Variants in STAC observed in about 807,000 individuals in gnomAD.
STAC encodes the protein SH3 and cysteine-rich domain-containing protein.
STAC carries 43 observed loss-of-function variants against 48.8 expected under a neutral mutation model. The observed-to-expected ratio is 0.88, with a 90% confidence interval of 0.69 to 1.14. The LOEUF (loss-of-function observed/expected upper bound fraction) is 1.14, where lower values mean the gene tolerates loss of function less well. Among genes scored for constraint, STAC ranks in the 50% most tolerant of loss-of-function variants. The pLI is 0.00. For missense variants in STAC, 497 were observed against 504.0 expected (o/e 0.99, Z 0.13); for synonymous variants, 193 against 179.5 (o/e 1.07, Z -0.60).
At chr3:36,491,726 C>T (rs1697971751) in intron 5 of STAC, among the ~76,000 whole-genome samples, 1 of 151,738 alleles carries the variant, frequency 6.6e-6, no homozygotes, top group Non-Finnish European at 1.5e-5. Context: ...TAAAATATGA[C>T]TGTCAGGCCA....
chr3:36,484,059 A>G (rs1278036422), intron 3 of STAC, among the ~76,000 whole-genome samples: 1 of 152,184 alleles, frequency 6.6e-6, no homozygotes, highest in Non-Finnish European at 1.5e-5. Flanking sequence ...GAATAATTAG[A>G]CAGGACATCA....
chr3:36,440,982 G>C (rs1696330990), intron 1 of STAC, among the ~76,000 whole-genome samples: 1 of 152,030 alleles, frequency 6.6e-6, no homozygotes, highest in Admixed American at 6.6e-5. Flanking sequence ...TAAAATAATT[G>C]TACCTATTTA....
intron 1 of STAC, among the ~76,000 whole-genome samples, chr3:36,407,180 T>C (rs1294557295): frequency 6.6e-6 from 1 of 152,232 alleles, no homozygotes; most frequent in Non-Finnish European, 1.5e-5. Context: ...ACTTTAAGGC[T>C]GAAAAAGGCT....
intron 1 of STAC, among the ~76,000 whole-genome samples, chr3:36,381,937 A>G (rs1699518213): frequency 6.6e-6 from 1 of 152,162 alleles, no homozygotes; most frequent in Non-Finnish European, 1.5e-5. Flanking sequence ...ACTTTTCTAA[A>G]ACTCGGTTGG....
At chr3:36,496,328 T>C (rs147426337) in intron 6 of STAC, among the ~76,000 whole-genome samples, 13 of 152,318 alleles carry the variant, frequency 8.5e-5, no homozygotes, top group African/African-American at 3.1e-4. Context: ...AGAAACCACA[T>C]GGAGAAAACA....
Position 36,417,462 on chromosome 3 carries a change from C to T in STAC, c.112-25902C>T, listed in dbSNP as rs150632870. ...AAACACTCACACAAACACACACACACGTATATAAATTTTTCTATTGTTTGC... is the reference window on the plus strand; with the variant it reads ...AAACACTCACACAAACACACACACATGTATATAAATTTTTCTATTGTTTGC... On this transcript the variant is annotated intron_variant, in intron 1 of 10. Transcript: ENST00000273183. Among the ~76,000 whole-genome samples, 97 of 152,100 alleles carry T rather than the reference C, an allele frequency of 6.4e-4. 1 individual carries two copies. Among genetic ancestry groups the T allele is most frequent in the Middle Eastern group, 3.4e-3 (1 of 292 alleles).
intron 1 of STAC, among the ~76,000 whole-genome samples, chr3:36,414,141 C>A (rs1700260960): frequency 1.3e-5 from 2 of 152,150 alleles, no homozygotes; most frequent in Non-Finnish European, 2.9e-5. Context: ...GTAAATCTGA[C>A]AATTATGTGT....
intron 2 of STAC, among the ~76,000 whole-genome samples, chr3:36,475,357 G>A (rs2125694553): frequency 6.6e-6 from 1 of 152,096 alleles, no homozygotes; most frequent in South Asian, 2.1e-4. Flanking sequence ...TGGCACTAAG[G>A]ATGTATAATT....
chr3:36,412,391 G>A lies in STAC; in HGVS notation c.112-30973G>A, dbSNP rs1287126961. Reference sequence around the variant, plus strand: ...AACTGTCACATGGCCATTTCTAGCTGTAAGGAAAGCTGGATACATTGCTGT... The same window carrying A: ...AACTGTCACATGGCCATTTCTAGCTATAAGGAAAGCTGGATACATTGCTGT... On this transcript the variant is annotated intron_variant, in intron 1 of 10. Coordinates refer to ENST00000273183, the MANE Select transcript of STAC (RefSeq NM_003149.3). Among the ~76,000 whole-genome samples, 3 of 152,052 alleles carry A rather than the reference G, an allele frequency of 2.0e-5. No individual in the cohort carries two copies. The East Asian group carries it at 5.8e-4, about 29-fold the overall frequency.
chr3:36,525,852 G>C (rs77804270), intron 8 of STAC, among the ~76,000 whole-genome samples: 2,095 of 152,318 alleles, frequency 0.014, 59 homozygotes, highest in African/African-American at 0.048. Context: ...TGACAAGCCT[G>C]TTATATTTGG....
intron 8 of STAC, among the ~76,000 whole-genome samples, chr3:36,528,251 G>A (rs368182930): frequency 5.3e-5 from 8 of 152,140 alleles, no homozygotes; most frequent in South Asian, 4.2e-4. Flanking sequence ...CGGGCAGATC[G>A]TGAGGTCAGG....
intron 2 of STAC, among the ~76,000 whole-genome samples, chr3:36,449,109 A>T (rs1412353299): frequency 6.6e-6 from 1 of 152,066 alleles, no homozygotes; most frequent in Non-Finnish European, 1.5e-5. Flanking sequence ...ACGGAGTGAG[A>T]CTTCATCTCT....
chr3:36,417,924 A>C (rs964666327), intron 1 of STAC, among the ~76,000 whole-genome samples: 141 of 152,308 alleles, frequency 9.3e-4, no homozygotes, highest in African/African-American at 3.3e-3. Flanking sequence ...TAATTTTAGC[A>C]ATTTACATTT....
At chr3:36,543,387 A>T (rs1456618151) in intron 10 of STAC, among the ~76,000 whole-genome samples, 1 of 152,160 alleles carries the variant, frequency 6.6e-6, no homozygotes. Context: ...AGCCATTTGT[A>T]CTCATCATCT....
At position 36,437,575 on chromosome 3, in the gene STAC, A is replaced by G. The variant is rs1285566635; in HGVS notation, c.112-5789A>G. On this transcript the variant is annotated intron_variant, in intron 1 of 10. Coordinates refer to ENST00000273183, the MANE Select transcript of STAC (RefSeq NM_003149.3). ...TCTCACTCATAGGTGGGAATTGAAC[A>G]ATGAGAACACATGGACACAGGAAGG... 2.1e-5 allele frequency among the ~76,000 whole-genome samples: 3 copies of G among 143,918 alleles called. No individual in the cohort carries two copies. In the Admixed American group the frequency reaches 2.2e-4, roughly 10 times the overall value. The allele number at this position is 143,918 out of a possible 152,430, so 94.4% of individuals were successfully genotyped here.
chr3:36,467,417 T>C (rs1322628949), intron 2 of STAC, among the ~76,000 whole-genome samples: 1 of 152,200 alleles, frequency 6.6e-6, no homozygotes, highest in African/African-American at 2.4e-5. Context: ...TCAATAGGAT[T>C]GGTACCAATT....
Position 36,528,875 on chromosome 3 carries a change from T to A in STAC, c.1000T>A (p.Phe334Ile). 1 of 1,613,652 alleles carries A rather than the reference T, an allele frequency of 6.2e-7. No homozygotes were observed. Among genetic ancestry groups the A allele is most frequent in the Non-Finnish European group, 8.5e-7 (1 of 1,179,776 alleles). ...KGKIQDRIGF[F>I]PANFVQRLQQ... ...GAAAATTCAAGACAGAATTGGCTTC[T>A]TTCCAGCCAACTTTGTTCAGAGACT... is the stretch of plus-strand genomic sequence containing the variant. The change falls in exon 10 of 11, where the codon TTT becomes ATT. Residue 334 changes from phenylalanine (F) to isoleucine (I), a missense_variant. Physicochemically the swap from Phe to Ile is conservative, Grantham distance 21. Transcript: ENST00000273183.
Position 36,486,159 on chromosome 3 carries a change from C to T in STAC, c.597C>T (p.Val199=). The T allele has an allele frequency of 1.2e-6, 2 of 1,613,992 alleles. No individual in the cohort carries two copies. The highest frequency in any genetic ancestry group is 4.5e-5 in the East Asian group (2 of 44,870). The part of the protein sequence containing the change: ...PIACGNKVDP[V]YETLRFGTSL... ...CCTGTGGCAATAAGGTGGACCCTGTCTACGAGACCCTCCGCTTCGGCACCT... is the reference window on the plus strand; with the variant it reads ...CCTGTGGCAATAAGGTGGACCCTGTTTACGAGACCCTCCGCTTCGGCACCT... The change falls in exon 5 of 11, where the codon GTC becomes GTT. Residue 199 remains valine, a synonymous_variant. Coordinates refer to ENST00000273183, the MANE Select transcript of STAC (RefSeq NM_003149.3).
intron 5 of STAC, among the ~76,000 whole-genome samples, chr3:36,488,587 T>G (rs1291640472): frequency 6.7e-6 from 1 of 149,160 alleles, no homozygotes; most frequent in Non-Finnish European, 1.5e-5. Context: ...CTTAGGTATT[T>G]CCTCTTGCCC....
Sources: allele counts gnomAD v4.1 joint callset (sites outside exome capture counted in the v4.1 genomes callset), GRCh38; gene constraint gnomAD v4.1.1; transcripts MANE v1.5; gene names NCBI Gene and HGNC (gene_info 2026-07-23, HGNC 2026-07-21).